The following SIX5 variants were observed in gnomAD, a reference collection of about 807,000 sequenced individuals.
SIX5 encodes the protein homeobox protein SIX5.
In SIX5, 21 loss-of-function variants were observed where a neutral mutation model predicts 37.1. The ratio of observed to expected loss-of-function variants is 0.57; its 90% CI spans 0.40 to 0.81. SIX5 has a LOEUF of 0.81. Among genes scored for constraint, SIX5 ranks in the 40% least tolerant of loss-of-function variants. SIX5 has a pLI of 0.00. For synonymous variants in SIX5, 626 were observed against 505.9 expected (o/e 1.24, Z -3.19); for missense variants, 1,137 against 1,025.1 (o/e 1.11, Z -1.49).
Position 45,766,447 on chromosome 19 carries a change from A to G in SIX5, c.1512T>C (p.Pro504=). Residue 504 remains proline (P), a synonymous_variant, in exon 2 of 3, where the codon CCT becomes CCC. Coordinates refer to ENST00000317578, the MANE Select transcript of SIX5 (RefSeq NM_175875.5). ...LQLLAAGPGS[P]VKVAAAAGPA... is the part of the protein sequence containing the mutation. ...GGCCTGCTGCAGCTGCCACCTTCAC[A>G]GGGCTGCCTGGCCCGGCTGCCAACA... The G allele has an allele frequency of 6.4e-7, 1 of 1,551,164 alleles. No individual in the cohort carries two copies. Among genetic ancestry groups the G allele is most frequent in the Non-Finnish European group, 8.7e-7 (1 of 1,147,578 alleles).
chr19:45,766,197 CGGGCGGAGGGAGCCTTGTGGTGGGCCTTG>C lies in SIX5; in HGVS notation c.1610-115_1610-87del, dbSNP rs889410377. 8.1e-5 allele frequency: 123 copies of C among 1,527,032 alleles called. 1 individual carries two copies. The Admixed American group carries it at 1.6e-3, about 20-fold the overall frequency. 94.6% of individuals were successfully genotyped at this position (1,527,032 alleles called of 1,614,324 possible). ...AAGTGGAGACTGTGCAGCTGGAGGG[CGGGCGGAGGGAGCCTTGTGGTGGGCCTTG>C]GGGCACTGGGACTTGCCAGGGATGA... On this transcript the variant is annotated intron_variant, in intron 2 of 2. Transcript: ENST00000317578.
At chr19:45,766,152 G>C (rs1317357026) in intron 2 of SIX5, 41 bp from the exon 3 acceptor site, 11 of 1,595,578 alleles carry the variant, frequency 6.9e-6, no homozygotes, top group Non-Finnish European at 9.4e-6. Context: ...AGAGCCAGGA[G>C]AGCAGGCCAA....
At position 45,765,506 on chromosome 19, in the gene SIX5, G is replaced by A. The variant is rs139368585; in HGVS notation, c.2215C>T (p.Leu739=). The A allele has an allele frequency of 3.1e-6, 5 of 1,613,300 alleles. No individual in the cohort carries two copies. Among genetic ancestry groups the A allele is most frequent in the African/African-American group, 1.3e-5 (1 of 74,934 alleles). Residue 739 remains leucine (L), a synonymous_variant, in exon 3 of 3, where the codon CTG becomes TTG. Coordinates refer to ENST00000317578, the MANE Select transcript of SIX5 (RefSeq NM_175875.5). ...GGCCACGGGGCCACACTGGGTCACA[G>A]TTCCAAGGGCTCCTCCACAGGCACC... ...QSVPVEEPLE[L]
chr19:45,765,761 C>A lies in SIX5; in HGVS notation c.1960G>T (p.Gly654Trp), dbSNP rs1163206915. Residue 654 changes from glycine (G) to tryptophan (W), a missense_variant, in exon 3 of 3, where the codon GGG becomes TGG. This residue lies in a region of SIX5 where 787 missense variants were observed against 621.4 expected (regional missense o/e 1.27). Transcript: ENST00000317578. Reference protein sequence around the residue: ...LPNFPAPPPEGLMLSPAAVPV... With the variant: ...LPNFPAPPPEWLMLSPAAVPV... Reference sequence around the variant, plus strand: ...ACGGCCGCGGGTGACAACATCAGCCCCTCTGGTGGGGGCGCCGGGAAGTTG... The same window carrying A: ...ACGGCCGCGGGTGACAACATCAGCCACTCTGGTGGGGGCGCCGGGAAGTTG... 3 of 1,610,406 alleles carry A rather than the reference C, an allele frequency of 1.9e-6. No individual in the cohort carries two copies. Among genetic ancestry groups the A allele is most frequent in the Admixed American group, 1.7e-5 (1 of 60,028 alleles).
rs1239236489 is a variant in SIX5, at chr19:45,768,047, G to A, written c.798C>T (p.Cys266=). ...CGCCGCCCGAGGCCCCTCACCTCTT[G>A]CAGGGCGCGCCGCCTCCGGCCCCGG... ...DRTGAGGGAP[C]KSESDGNPTT... Residue 266 remains cysteine, a synonymous_variant, in exon 1 of 3, where the codon TGC becomes TGT. Coordinates refer to ENST00000317578, the MANE Select transcript of SIX5 (RefSeq NM_175875.5). 6.3e-7 allele frequency: 1 copy of A among 1,595,430 alleles called. No individual in the cohort carries two copies. Among genetic ancestry groups the A allele is most frequent in the African/African-American group, 1.3e-5 (1 of 74,914 alleles).
chr19:45,768,943 C>A lies in SIX5; in HGVS notation c.-99G>T. On this transcript the variant is annotated 5_prime_UTR_variant, in exon 1 of 3. Transcript: ENST00000317578. ...GTCCCCCCTTTTCGCCCCCACTCCC[C>A]GCTCTTCTCGATCTTCTTTCTGGCC... The A allele has an allele frequency of 8.6e-7, 1 of 1,167,998 alleles. No homozygotes were observed. The highest frequency in any genetic ancestry group is 1.4e-5 in the South Asian group (1 of 71,838). The allele number at this position is 1,167,998 out of a possible 1,614,324, so 72.4% of individuals were successfully genotyped here.
chr19:45,768,789 A>C lies in SIX5; in HGVS notation c.56T>G (p.Val19Gly), dbSNP rs762866764. ...SAGPAAGGEA[V>G]AAAAATEEEE... ...CTCTTCGGTCGCCGCCGCCGCCGCC[A>C]CCGCCTCCCCCCCAGCCGCCGGCCC... Residue 19 changes from valine to glycine, a missense_variant, in exon 1 of 3, where the codon GTG (valine) becomes GGG (glycine). By Grantham distance (109) the Val-to-Gly change is moderately radical. Coordinates refer to ENST00000317578, the MANE Select transcript of SIX5 (RefSeq NM_175875.5). 1.3e-6 allele frequency: 2 copies of C among 1,526,700 alleles called. No individual in the cohort carries two copies. Among genetic ancestry groups the C allele is most frequent in the African/African-American group, 2.8e-5 (2 of 71,994 alleles). 94.6% of individuals were successfully genotyped at this position (1,526,700 alleles called of 1,614,324 possible).
Position 45,768,409 on chromosome 19 carries a change from G to T in SIX5, c.436C>A (p.Leu146Ile). The T allele has an allele frequency of 6.4e-7, 1 of 1,557,632 alleles. No individual in the cohort carries two copies. ...QRGEYAELYR[L>I]LESRPFPAAH... ...GCGGGGAAGGGGCGGCTCTCGAGTA[G>T]CCGGTAGAGCTCGGCGTACTCGCCC... The change falls in exon 1 of 3, where the codon CTA (leucine) becomes ATA (isoleucine). Residue 146 changes from leucine to isoleucine, a missense_variant. Leu to Ile is a conservative substitution (Grantham distance 5, BLOSUM62 2). This residue lies in a region of SIX5 where 331 missense variants were observed against 360.9 expected (regional missense o/e 0.92). Transcript: ENST00000317578.
chr19:45,768,287 AT>A lies in SIX5; in HGVS notation c.557del (p.Tyr186PhefsTer138). The A allele has an allele frequency of 6.2e-7, 1 of 1,612,144 alleles. No homozygotes were observed. The highest frequency in any genetic ancestry group is 8.5e-7 in the Non-Finnish European group (1 of 1,179,452). ...RGRALGAVDK[Y>X]RLRKKFPLPK... ...GCAGCGGGAACTTCTTGCGCAGTCG[AT>A]ACTTGTCCACTGCGCCAAGCGCGCG... On this transcript the variant is annotated frameshift_variant, in exon 1 of 3. Coordinates refer to ENST00000317578, the MANE Select transcript of SIX5 (RefSeq NM_175875.5). LOFTEE classifies it high-confidence loss of function.
At position 45,768,933 on chromosome 19, in the gene SIX5, C is replaced by A; in HGVS notation, c.-89G>T. On this transcript the variant is annotated 5_prime_UTR_variant, in exon 1 of 3. Transcript: ENST00000317578. ...TCCCCCACCTGTCCCCCCTTTTCGC[C>A]CCCACTCCCCGCTCTTCTCGATCTT... 1 of 1,231,580 alleles carries A rather than the reference C, an allele frequency of 8.1e-7. No individual in the cohort carries two copies. The highest frequency in any genetic ancestry group is 1.1e-6 in the Non-Finnish European group (1 of 892,022). 76.3% of individuals were successfully genotyped at this position (1,231,580 alleles called of 1,614,324 possible). A position where few individuals can be genotyped will look rare whatever the true frequency, so the allele number is the denominator to read the frequency against.
chr19:45,768,991 A>G lies in SIX5; in HGVS notation c.-147T>C, dbSNP rs993180215. 36 of 755,376 alleles carry G rather than the reference A, an allele frequency of 4.8e-5. No individual in the cohort carries two copies. In the Admixed American group the frequency reaches 8.2e-4, roughly 17 times the overall value. The allele number at this position is 755,376 out of a possible 1,614,324, so 46.8% of individuals were successfully genotyped here. A position where few individuals can be genotyped will look rare whatever the true frequency, so the allele number is the denominator to read the frequency against. Reference sequence around the variant, plus strand: ...GCCGACCCTGCGCCCCACGCCGGGAAGGCGAGATCCAGCTCTCCACTCGGG... The same window carrying G: ...GCCGACCCTGCGCCCCACGCCGGGAGGGCGAGATCCAGCTCTCCACTCGGG... On this transcript the variant is annotated 5_prime_UTR_variant, in exon 1 of 3. Transcript: ENST00000317578.
Position 45,769,011 on chromosome 19 carries a change from C to G in SIX5, c.-167G>C. 1.6e-6 allele frequency: 1 copy of G among 639,848 alleles called. No individual in the cohort carries two copies. Among genetic ancestry groups the G allele is most frequent in the Non-Finnish European group, 2.7e-6 (1 of 370,122 alleles). The allele number at this position is 639,848 out of a possible 1,614,324, so 39.6% of individuals were successfully genotyped here. On this transcript the variant is annotated 5_prime_UTR_variant, in exon 1 of 3. Transcript: ENST00000317578. ...CGGGAAGGCGAGATCCAGCTCTCCA[C>G]TCGGGTCTCTGTCCCCTTGTGTGTG... is the stretch of plus-strand genomic sequence containing the variant.
Position 45,768,899 on chromosome 19 carries a change from C to T in SIX5, c.-55G>A, listed in dbSNP as rs1969159175. The T allele has an allele frequency of 1.4e-6, 2 of 1,475,204 alleles. No homozygotes were observed. Among genetic ancestry groups the T allele is most frequent in the Non-Finnish European group, 1.8e-6 (2 of 1,099,840 alleles). The allele number at this position is 1,475,204 out of a possible 1,614,324, so 91.4% of individuals were successfully genotyped here. A position where few individuals can be genotyped will look rare whatever the true frequency, so the allele number is the denominator to read the frequency against. Reference sequence around the variant, plus strand: ...CCTCTCTTCCTCCCTCGGGCTTTCCCCAGCCTCCTCCCCCACCTGTCCCCC... The same window carrying T: ...CCTCTCTTCCTCCCTCGGGCTTTCCTCAGCCTCCTCCCCCACCTGTCCCCC... On this transcript the variant is annotated 5_prime_UTR_variant, in exon 1 of 3. Transcript: ENST00000317578.
Position 45,765,165 on chromosome 19 carries a change from G to T in SIX5, c.*336C>A. 1 of 442,762 alleles carries T rather than the reference G, an allele frequency of 2.3e-6. No individual in the cohort carries two copies. Among genetic ancestry groups the T allele is most frequent in the South Asian group, 2.3e-5 (1 of 43,306 alleles). 27.4% of individuals were successfully genotyped at this position (442,762 alleles called of 1,614,324 possible). The stretch of plus-strand genomic sequence containing the variant: ...AGGGAGAGGGCTCTGGGGGCTGGAA[G>T]TCCGGCCCTGGGGCAGGGTGTTCCG... On this transcript the variant is annotated 3_prime_UTR_variant, in exon 3 of 3. Transcript: ENST00000317578.
chr19:45,767,844 C>T (rs372575446), intron 1 of SIX5, 198 bp downstream of exon 1: 4 of 595,352 alleles, frequency 6.7e-6, no homozygotes, highest in African/African-American at 1.9e-5. Flanking sequence ...GAGACGCGTG[C>T]GGGGAGAGGG....
chr19:45,766,595 G>A lies in SIX5; in HGVS notation c.1364C>T (p.Pro455Leu), dbSNP rs1382510435. ...VPAVAAPQVV[P>L]LSPPPGYPTG... The stretch of plus-strand genomic sequence containing the variant: ...GGGATACCCCGGGGGTGGGGAGAGC[G>A]GTACCACTTGTGGGGCAGCCACAGC... The change falls in exon 2 of 3, where the codon CCG becomes CTG. Residue 455 changes from proline to leucine, a missense_variant. Coordinates refer to ENST00000317578, the MANE Select transcript of SIX5 (RefSeq NM_175875.5). 11 of 1,469,576 alleles carry A rather than the reference G, an allele frequency of 7.5e-6. No individual in the cohort carries two copies. The highest frequency in any genetic ancestry group is 1.4e-5 in the South Asian group (1 of 72,066). The allele number at this position is 1,469,576 out of a possible 1,614,324, so 91.0% of individuals were successfully genotyped here. A position where few individuals can be genotyped will look rare whatever the true frequency, so the allele number is the denominator to read the frequency against.
rs1018720421 is a variant in SIX5, at chr19:45,768,502, G to A, written c.343C>T (p.Pro115Ser). 7.4e-6 allele frequency: 11 copies of A among 1,493,900 alleles called. No individual in the cohort carries two copies. The highest frequency in any genetic ancestry group is 6.7e-5 in the Admixed American group (3 of 45,060). The allele number at this position is 1,493,900 out of a possible 1,614,324, so 92.5% of individuals were successfully genotyped here. The change falls in exon 1 of 3, where the codon CCC becomes TCC. Residue 115 changes from proline (P) to serine (S), a missense_variant. Transcript: ENST00000317578. ...GRLSRFLGAL[P>S]PAERLRGSDP... ...CTGCCACGTAGGCGCTCGGCCGGGGGCAGTGCGCCCAGGAAGCGGCTCAAG... is the reference window on the plus strand; with the variant it reads ...CTGCCACGTAGGCGCTCGGCCGGGGACAGTGCGCCCAGGAAGCGGCTCAAG...
chr19:45,765,777 C>A lies in SIX5; in HGVS notation c.1944G>T (p.Pro648=). ...ACATCAGCCCCTCTGGTGGGGGCGCCGGGAAGTTGGGCAGGAGGCCAGGGG... is the reference window on the plus strand; with the variant it reads ...ACATCAGCCCCTCTGGTGGGGGCGCAGGGAAGTTGGGCAGGAGGCCAGGGG... The part of the protein sequence containing the change: ...PDSPGLLPNF[P]APPPEGLMLS... The change falls in exon 3 of 3, where the codon CCG becomes CCT. Residue 648 remains proline (P), a synonymous_variant. Transcript: ENST00000317578. The A allele has an allele frequency of 1.2e-6, 2 of 1,608,268 alleles. No individual in the cohort carries two copies. The highest frequency in any genetic ancestry group is 1.1e-5 in the South Asian group (1 of 91,080).
chr19:45,767,552 G>A (rs917730360), intron 1 of SIX5, among the ~76,000 whole-genome samples: 10 of 152,098 alleles, frequency 6.6e-5, no homozygotes, highest in East Asian at 1.9e-4. Context: ...CAGGGTGGGA[G>A]GAGAAGGGTT....
Sources: allele counts gnomAD v4.1 joint callset (sites outside exome capture counted in the v4.1 genomes callset), GRCh38; gene constraint gnomAD v4.1.1; regional missense constraint gnomAD v4.1.1; transcripts MANE v1.5; gene names NCBI Gene and HGNC (gene_info 2026-07-23, HGNC 2026-07-21).